The following CSMD1 variants were observed in gnomAD, a reference collection of about 807,000 sequenced individuals.
The protein encoded by CSMD1 is CUB and sushi domain-containing protein 1.
Under a neutral mutation model 417.5 loss-of-function variants are expected in CSMD1, and 213 were observed. The observed-to-expected ratio is 0.51, with a 90% CI of 0.46 to 0.57. The LOEUF is 0.57. Among genes scored for constraint, CSMD1 ranks in the 20% least tolerant of loss-of-function variants. The probability of loss-of-function intolerance (pLI) is 0.00; values close to 1 mark genes in which losing one functional copy is unlikely to be tolerated. For synonymous variants in CSMD1, 2,862 were observed against 1,736.8 expected, an observed-to-expected ratio of 1.65 and a Z score of -16.11; for missense variants, 6,923 against 4,529.7, an observed-to-expected ratio of 1.53 and a Z score of -15.17.
intron 12 of CSMD1, among the ~76,000 whole-genome samples, chr8:3,446,952 C>G (rs1011580874): frequency 1.3e-5 from 2 of 152,184 alleles, no homozygotes; most frequent in Admixed American, 6.5e-5. Flanking sequence ...GTTGTCTGCT[C>G]ACACATAGTG....
intron 5 of CSMD1, among the ~76,000 whole-genome samples, chr8:3,892,752 A>G (rs917897019): frequency 2.6e-5 from 3 of 114,988 alleles, no homozygotes; most frequent in African/African-American, 1.0e-4. Flanking sequence ...TCTGTGCATT[A>G]TGAAGTTATT....
chr8:4,957,604 T>C (rs557315782), intron 1 of CSMD1, among the ~76,000 whole-genome samples: 42 of 152,276 alleles, frequency 2.8e-4, no homozygotes, highest in African/African-American at 1.0e-3. Context: ...GATCCTCATA[T>C]GAAAGAAAAA....
At position 3,493,051 on chromosome 8, in the gene CSMD1, T is replaced by C. The variant is rs184875077; in HGVS notation, c.1448+572A>G. The stretch of plus-strand genomic sequence containing the variant: ...TTCACACCTGTAATCCCCAACACTT[T>C]GGGAGGCTGAAGTGGGCAAATCACC... On this transcript the variant is annotated intron_variant, in intron 11 of 69. Transcript: ENST00000635120. Among the ~76,000 whole-genome samples, 18 of 152,068 alleles carry C rather than the reference T, an allele frequency of 1.2e-4. No homozygotes were observed. The East Asian group carries it at 3.5e-3, about 30-fold the overall frequency.
At chr8:3,301,139 A>G (rs1393275461) in intron 25 of CSMD1, among the ~76,000 whole-genome samples, 1 of 151,858 alleles carries the variant, frequency 6.6e-6, no homozygotes, top group Admixed American at 6.6e-5. Context: ...TTTTTTTTTA[A>G]TTTTTTCAAA....
chr8:3,400,909 T>C (rs964820884), intron 15 of CSMD1, among the ~76,000 whole-genome samples: 6 of 151,144 alleles, frequency 4.0e-5, no homozygotes, highest in African/African-American at 1.2e-4. Context: ...TTTTATTAAC[T>C]TGAGCTCCTG....
intron 7 of CSMD1, among the ~76,000 whole-genome samples, chr8:3,623,762 G>C (rs1365143329): frequency 6.6e-6 from 1 of 152,102 alleles, no homozygotes; most frequent in Non-Finnish European, 1.5e-5. Context: ...GATCACCTGA[G>C]GTGAGGAGTT....
Position 3,439,280 on chromosome 8 carries a change from A to AGT in CSMD1, c.1561+29430_1561+29431dup, listed in dbSNP as rs1254139859. Among the ~76,000 whole-genome samples the AGT allele has an allele frequency of 2.8e-4, 12 of 42,956 alleles. 1 individual carries two copies. The highest frequency in any genetic ancestry group is 8.7e-4 in the African/African-American group (8 of 9,166). The allele number at this position is 42,956 out of a possible 152,430, so 28.2% of individuals were successfully genotyped here. On this transcript the variant is annotated intron_variant, in intron 12 of 69. Coordinates refer to ENST00000635120, the MANE Select transcript of CSMD1 (RefSeq NM_033225.6). ...CTATTTGAGAGCATTTGGCAATGTC[A>AGT]GTATATATATATATATATATATATA...
chr8:3,993,388 C>A (rs901412852), intron 5 of CSMD1, among the ~76,000 whole-genome samples: 1 of 152,138 alleles, frequency 6.6e-6, no homozygotes, highest in Non-Finnish European at 1.5e-5. Context: ...GACACCAAGT[C>A]AATTATCAAT....
At chr8:3,978,630 C>T (rs866720618) in intron 5 of CSMD1, among the ~76,000 whole-genome samples, 2 of 152,194 alleles carry the variant, frequency 1.3e-5, no homozygotes, top group Middle Eastern at 3.4e-3. Context: ...AACGTCTCGT[C>T]GCTGCTGTCT....
chr8:3,162,758 C>G (rs997513356), intron 37 of CSMD1, among the ~76,000 whole-genome samples: 6 of 151,888 alleles, frequency 4.0e-5, no homozygotes, highest in African/African-American at 1.5e-4. Context: ...TTCAATCTCT[C>G]TCTCTCTTTC....
At chr8:4,242,205 T>A (rs2128822606) in intron 3 of CSMD1, among the ~76,000 whole-genome samples, 1 of 152,276 alleles carries the variant, frequency 6.6e-6, no homozygotes, top group Non-Finnish European at 1.5e-5. Flanking sequence ...ATAAAAGAAT[T>A]GTGATTTTTG....
At chr8:4,431,411 G>A (rs1336455416) in intron 2 of CSMD1, among the ~76,000 whole-genome samples, 1 of 152,140 alleles carries the variant, frequency 6.6e-6, no homozygotes, top group Non-Finnish European at 1.5e-5. Context: ...AACTTAGATT[G>A]AAGGAGGAAC....
intron 48 of CSMD1, among the ~76,000 whole-genome samples, chr8:3,087,893 C>T (rs903933847): frequency 1.3e-5 from 2 of 152,210 alleles, no homozygotes; most frequent in Non-Finnish European, 2.9e-5. Flanking sequence ...CAAAAATATT[C>T]TGCGTGTTTT....
chr8:4,668,041 T>C (rs562332305), intron 1 of CSMD1, among the ~76,000 whole-genome samples: 42 of 152,334 alleles, frequency 2.8e-4, no homozygotes, highest in African/African-American at 9.9e-4. Flanking sequence ...ATACCTCATC[T>C]CTTATTTTGT....
intron 4 of CSMD1, among the ~76,000 whole-genome samples, chr8:4,013,927 T>G (rs185991614): frequency 6.6e-6 from 1 of 152,176 alleles, no homozygotes; most frequent in East Asian, 1.9e-4. Context: ...AAAAAATGTT[T>G]ACCAGCCCTG....
intron 7 of CSMD1, among the ~76,000 whole-genome samples, chr8:3,657,241 A>G (rs1798176107): frequency 6.6e-6 from 1 of 152,182 alleles, no homozygotes; most frequent in Admixed American, 6.5e-5. Context: ...TCAACATACA[A>G]AAGCAGCAGC....
chr8:4,529,174 T>A (rs1016406769), intron 2 of CSMD1, among the ~76,000 whole-genome samples: 1 of 152,164 alleles, frequency 6.6e-6, no homozygotes, highest in African/African-American at 2.4e-5. Flanking sequence ...ATCCCTGAGG[T>A]ACTCTCAGAA....
chr8:4,452,591 C>T (rs957586474), intron 2 of CSMD1, among the ~76,000 whole-genome samples: 2 of 152,006 alleles, frequency 1.3e-5, no homozygotes, highest in South Asian at 2.1e-4. Flanking sequence ...ATCAGAAAAC[C>T]GGTAACGAAA....
chr8:4,379,730 G>A (rs1802981823), intron 3 of CSMD1, among the ~76,000 whole-genome samples: 1 of 151,318 alleles, frequency 6.6e-6, no homozygotes, highest in Non-Finnish European at 1.5e-5. Flanking sequence ...AAGCAACAGT[G>A]GCAGAAAGTA....
Sources: allele counts gnomAD v4.1 joint callset (sites outside exome capture counted in the v4.1 genomes callset), GRCh38; gene constraint gnomAD v4.1.1; transcripts MANE v1.5; gene names NCBI Gene and HGNC (gene_info 2026-07-23, HGNC 2026-07-21).